The following XPNPEP1 variants were observed in gnomAD, a reference collection of about 807,000 sequenced individuals.
The protein encoded by XPNPEP1 is X-prolyl aminopeptidase 1.
Under a neutral mutation model 92.4 loss-of-function variants are expected in XPNPEP1, and 39 were observed. The observed-to-expected ratio is 0.42, with a 90% CI of 0.33 to 0.55. XPNPEP1 has a LOEUF of 0.55. Among genes scored for constraint, XPNPEP1 ranks in the 20% least tolerant of loss-of-function variants. XPNPEP1 has a pLI of 0.08. For synonymous variants in XPNPEP1, 307 were observed against 299.4 expected (o/e 1.03, Z -0.26); for missense variants, 654 against 856.1 (o/e 0.76, Z 2.95).
intron 1 of XPNPEP1, among the ~76,000 whole-genome samples, chr10:109,916,407 CATT>C (rs749158477): frequency 6.6e-6 from 1 of 152,174 alleles, no homozygotes; most frequent in Non-Finnish European, 1.5e-5. Context: ...GAGACAACAT[CATT>C]GAGGCACCAG....
At chr10:109,902,919 T>C (rs1310382579) in intron 3 of XPNPEP1, among the ~76,000 whole-genome samples, 1 of 152,238 alleles carries the variant, frequency 6.6e-6, no homozygotes, top group Non-Finnish European at 1.5e-5. Context: ...GTGGCTTAGA[T>C]GGCCTCACTG....
At chr10:109,897,453 T>G (rs1470336806) in intron 3 of XPNPEP1, among the ~76,000 whole-genome samples, 1 of 152,186 alleles carries the variant, frequency 6.6e-6, no homozygotes, top group Non-Finnish European at 1.5e-5. Flanking sequence ...CTAAGATTAT[T>G]TAGTCTGTAT....
At chr10:109,921,396 G>A (rs1168037282) in intron 1 of XPNPEP1, among the ~76,000 whole-genome samples, 3 of 152,220 alleles carry the variant, frequency 2.0e-5, no homozygotes, top group Non-Finnish European at 4.4e-5. Context: ...AAGTGGGTAA[G>A]GGGCAAGAAG....
intron 2 of XPNPEP1, among the ~76,000 whole-genome samples, chr10:109,911,877 G>A (rs1447902482): frequency 1.3e-5 from 2 of 152,094 alleles, no homozygotes; most frequent in Admixed American, 1.3e-4. Flanking sequence ...AAGGATTTTG[G>A]TGGCACTGAC....
intron 5 of XPNPEP1, among the ~76,000 whole-genome samples, chr10:109,891,039 T>C (rs190832966): frequency 2.0e-5 from 3 of 152,334 alleles, no homozygotes; most frequent in Non-Finnish European, 4.4e-5. Flanking sequence ...CCTAAAACCG[T>C]GTTTCTAAAG....
At chr10:109,904,140 C>A (rs1237991779) in intron 3 of XPNPEP1, among the ~76,000 whole-genome samples, 1 of 151,192 alleles carries the variant, frequency 6.6e-6, no homozygotes, top group Non-Finnish European at 1.5e-5. Flanking sequence ...CCACCACACC[C>A]AGCCTGAAGT....
chr10:109,901,518 T>A (rs1027529462), intron 3 of XPNPEP1, among the ~76,000 whole-genome samples: 1 of 152,218 alleles, frequency 6.6e-6, no homozygotes, highest in Non-Finnish European at 1.5e-5. Flanking sequence ...CCATGAAGAC[T>A]TCCCTGATCC....
In XPNPEP1 at chr10:109,873,237, C is replaced by T. The variant is rs947116356; in HGVS notation, c.1452+130G>A. 18 of 1,033,754 alleles carry T rather than the reference C, an allele frequency of 1.7e-5. No homozygotes were observed. The East Asian group carries it at 4.3e-4, about 25-fold the overall frequency. 64.0% of individuals were successfully genotyped at this position (1,033,754 alleles called of 1,614,324 possible). A position where few individuals can be genotyped will look rare whatever the true frequency, so the allele number is the denominator to read the frequency against. On this transcript the variant is annotated intron_variant, in intron 16 of 20. Coordinates refer to ENST00000502935, the MANE Select transcript of XPNPEP1 (RefSeq NM_020383.4). ...AACCTCGTAAAGCAGATAAGCCTGA[C>T]TCCACAGCAAGGAGCAATTTTACTA... is the stretch of plus-strand genomic sequence containing the variant.
At chr10:109,871,963 A>C in intron 16 of XPNPEP1, 102 bp from the exon 17 acceptor site, 1 of 1,175,924 alleles carries the variant, frequency 8.5e-7, no homozygotes, top group Non-Finnish European at 1.2e-6. Context: ...GTTTTTAGCA[A>C]TATCATAGAG....
intron 1 of XPNPEP1, among the ~76,000 whole-genome samples, chr10:109,915,386 C>T (rs1048935016): frequency 3.3e-5 from 5 of 152,158 alleles, no homozygotes; most frequent in African/African-American, 4.8e-5. Context: ...TTTCCTTACA[C>T]AAGTTCTATT....
At chr10:109,874,566 T>G (rs372728280) in intron 15 of XPNPEP1, among the ~76,000 whole-genome samples, 7 of 152,236 alleles carry the variant, frequency 4.6e-5, no homozygotes, top group African/African-American at 1.7e-4. Flanking sequence ...AGGCCAGGCA[T>G]GGTTGCCACG....
chr10:109,876,218 T>C (rs1333013023), intron 14 of XPNPEP1: 1 of 152,390 alleles, frequency 6.6e-6, no homozygotes, highest in Non-Finnish European at 1.5e-5. Flanking sequence ...GTGATCTCTT[T>C]CCCCACACCG....
intron 17 of XPNPEP1, among the ~76,000 whole-genome samples, 165 bp downstream of exon 17, chr10:109,871,627 T>C (rs543874642): frequency 1.3e-5 from 2 of 152,290 alleles, no homozygotes; most frequent in African/African-American, 4.8e-5. Flanking sequence ...GCCTCTGGGC[T>C]CAGTCAGTGG....
At chr10:109,868,580 G>A (rs1564742372) in intron 20 of XPNPEP1, 34 bp downstream of exon 20, 2 of 1,553,998 alleles carry the variant, frequency 1.3e-6, no homozygotes, top group East Asian at 2.2e-5. Context: ...ACCTCCCCTA[G>A]TAACATGCCT....
At chr10:109,891,645 C>T (rs1487511358) in intron 5 of XPNPEP1, 77 bp downstream of exon 5, 4 of 1,192,610 alleles carry the variant, frequency 3.4e-6, no homozygotes, top group Non-Finnish European at 4.7e-6. Context: ...GGATTAAGAT[C>T]CAGGAGTCCT....
At chr10:109,884,260 A>G in intron 8 of XPNPEP1, 112 bp from the exon 9 acceptor site, 1 of 1,022,608 alleles carries the variant, frequency 9.8e-7, no homozygotes, top group East Asian at 2.6e-5. Context: ...GCAAGGATTC[A>G]GTGGAATCGC....
intron 1 of XPNPEP1, among the ~76,000 whole-genome samples, chr10:109,915,886 G>C (rs1850159526): frequency 6.6e-6 from 1 of 152,114 alleles, no homozygotes; most frequent in Non-Finnish European, 1.5e-5. Context: ...TTTGGCACTT[G>C]AGGATTTCTC....
chr10:109,908,998 C>T (rs1315764254), intron 2 of XPNPEP1, among the ~76,000 whole-genome samples: 2 of 151,976 alleles, frequency 1.3e-5, no homozygotes, highest in Admixed American at 6.6e-5. Context: ...TGGCCGGGTG[C>T]GGTGGCTCAC....
At chr10:109,890,044 C>T (rs748810173) in intron 5 of XPNPEP1, among the ~76,000 whole-genome samples, 15 of 152,154 alleles carry the variant, frequency 9.9e-5, no homozygotes, top group Admixed American at 3.3e-4. Context: ...GACAGATCTT[C>T]GGCAAAACCC....
Sources: gnomAD v4.1 joint callset for allele counts (sites outside exome capture counted in the v4.1 genomes callset) on GRCh38, gnomAD v4.1.1 for gene constraint, MANE v1.5 for transcripts, NCBI Gene and HGNC (gene_info 2026-07-23, HGNC 2026-07-21) for gene names.